DRC8: variants seen among roughly 807,000 people sequenced by gnomAD.
DRC8 encodes the protein dynein regulatory complex subunit 8.
the DRC8 span, among the ~76,000 whole-genome samples, chr1:245,016,914 G>A: frequency 6.6e-6 from 1 of 152,228 alleles, no homozygotes; most frequent in African/African-American, 2.4e-5. Flanking sequence ...TTGAGATAGA[G>A]AGGCCGCTGC....
At chr1:245,111,560 T>G in the DRC8 span, among the ~76,000 whole-genome samples, 1 of 152,248 alleles carries the variant, frequency 6.6e-6, no homozygotes, top group Non-Finnish European at 1.5e-5. Flanking sequence ...CTCTTGAACG[T>G]ATTCGCAGTG....
chr1:245,087,060 G>A, the DRC8 span: 2 of 823,488 alleles, frequency 2.4e-6, no homozygotes, highest in Non-Finnish European at 3.7e-6. Context: ...GAATCTACCA[G>A]GGTGTACAAT....
the DRC8 span, among the ~76,000 whole-genome samples, chr1:245,061,675 G>A: frequency 2.6e-5 from 4 of 152,164 alleles, no homozygotes; most frequent in African/African-American, 9.7e-5. Flanking sequence ...ACATTTAATA[G>A]TGAATACATG....
At chr1:245,044,256 T>C in the DRC8 span, among the ~76,000 whole-genome samples, 81 of 152,304 alleles carry the variant, frequency 5.3e-4, no homozygotes, top group African/African-American at 1.9e-3. Context: ...ATGTTTGTAA[T>C]TGGCAGCTTG....
the DRC8 span, chr1:245,082,018 G>C: frequency 7.3e-7 from 1 of 1,363,798 alleles, no homozygotes; most frequent in East Asian, 2.3e-5. Context: ...ACAGTGCTTG[G>C]AACAACTAGT....
At chr1:244,983,739 C>CAAAAAAAAAAA in the DRC8 span, among the ~76,000 whole-genome samples, 1 of 100,992 alleles carries the variant, frequency 9.9e-6, no homozygotes, top group Non-Finnish European at 1.9e-5. Flanking sequence ...GACTCTGTCT[C>CAAAAAAAAAAA]AAAAAAAAAA....
At chr1:245,096,270 TGCACAA>T in the DRC8 span, among the ~76,000 whole-genome samples, 2 of 152,106 alleles carry the variant, frequency 1.3e-5, no homozygotes, top group Admixed American at 6.6e-5. Flanking sequence ...TAGCAGGAAA[TGCACAA>T]ATATTCAAGC....
chr1:244,994,737 T>A, the DRC8 span, among the ~76,000 whole-genome samples: 1 of 152,144 alleles, frequency 6.6e-6, no homozygotes, highest in East Asian at 1.9e-4. Flanking sequence ...ACATTAAACT[T>A]CTTTTTAAAC....
chr1:245,091,285 G>C, the DRC8 span: 1 of 152,388 alleles, frequency 6.6e-6, no homozygotes, highest in Non-Finnish European at 1.5e-5. Context: ...ATACCCAGGG[G>C]CATGTCATTC....
the DRC8 span, among the ~76,000 whole-genome samples, chr1:245,085,654 TA>T: frequency 6.6e-6 from 1 of 152,094 alleles, no homozygotes; most frequent in African/African-American, 2.4e-5. Context: ...GATGGAGAAG[TA>T]TTACAGGCTT....
the DRC8 span, among the ~76,000 whole-genome samples, chr1:245,004,683 G>A: frequency 0.022 from 3,425 of 152,250 alleles, 141 homozygotes; most frequent in African/African-American, 0.078. Flanking sequence ...TAACGTGTGT[G>A]CCAGATTAAC....
At chr1:245,122,259 T>G in the DRC8 span, 1 of 171,686 alleles carries the variant, frequency 5.8e-6, no homozygotes, top group Non-Finnish European at 1.2e-5. Context: ...TGTTCTCTTC[T>G]CTCCATATTC....
the DRC8 span, among the ~76,000 whole-genome samples, chr1:244,985,076 G>GTTTTTTTT: frequency 5.4e-5 from 7 of 130,824 alleles, no homozygotes; most frequent in Admixed American, 1.5e-4. Flanking sequence ...TGTCTCCAGG[G>GTTTTTTTT]TTTTTTTTTT....
chr1:245,101,527 A>G, the DRC8 span, among the ~76,000 whole-genome samples: 1 of 152,186 alleles, frequency 6.6e-6, no homozygotes, highest in Non-Finnish European at 1.5e-5. Context: ...CTATATTAAT[A>G]CATTATGGAC....
chr1:245,107,899 T>C, the DRC8 span, among the ~76,000 whole-genome samples: 56 of 152,262 alleles, frequency 3.7e-4, no homozygotes, highest in Non-Finnish European at 6.5e-4. Context: ...CCTCACCTCG[T>C]CACCGCTCTC....
At chr1:245,003,129 CT>C in the DRC8 span, among the ~76,000 whole-genome samples, 1 of 152,132 alleles carries the variant, frequency 6.6e-6, no homozygotes, top group African/African-American at 2.4e-5. Flanking sequence ...AATTTCCTTC[CT>C]TTTCAAGGCT....
the DRC8 span, among the ~76,000 whole-genome samples, chr1:245,102,739 A>T: frequency 6.6e-6 from 1 of 152,270 alleles, no homozygotes; most frequent in Non-Finnish European, 1.5e-5. Context: ...ACAGAGTAGG[A>T]GGCAGGTCCA....
the DRC8 span, among the ~76,000 whole-genome samples, chr1:245,097,833 G>A: frequency 6.6e-6 from 1 of 152,162 alleles, no homozygotes; most frequent in Non-Finnish European, 1.5e-5. This position sits in a 1 kb window ranked among gnomAD's most constrained non-coding sequence, Gnocchi z 5.0. Context: ...CAAGCACCAC[G>A]TGTTTGGCAG....
At chr1:244,999,463 C>A in the DRC8 span, among the ~76,000 whole-genome samples, 59 of 152,300 alleles carry the variant, frequency 3.9e-4, no homozygotes, top group African/African-American at 1.3e-3. Flanking sequence ...ATGATGTCAT[C>A]CACACTTGTC....
Sources: allele counts gnomAD v4.1 joint callset (sites outside exome capture counted in the v4.1 genomes callset), GRCh38; gene constraint gnomAD v4.1.1; non-coding constraint Gnocchi (gnomAD v3.1); transcripts MANE v1.5; gene names NCBI Gene and HGNC (gene_info 2026-07-23, HGNC 2026-07-21).